KIZ: variants seen among roughly 807,000 people sequenced by gnomAD.
KIZ encodes centrosomal protein kizuna.
A neutral mutation model predicts 79.6 loss-of-function variants in KIZ; 68 were observed. The observed-to-expected ratio is 0.85, with a 90% CI of 0.70 to 1.05. The LOEUF is 1.05. KIZ is among the 50% of genes least tolerant of loss of function. The pLI, the probability that KIZ is intolerant of heterozygous loss-of-function variation, is 0.00. For missense variants in KIZ, 797 were observed against 800.4 expected (o/e 1.00, Z 0.05); for synonymous variants, 280 against 281.8 (o/e 0.99, Z 0.06).
At chr20:21,226,469 T>G (rs373625498) in intron 9 of KIZ, among the ~76,000 whole-genome samples, 26 of 152,348 alleles carry the variant, frequency 1.7e-4, no homozygotes, top group African/African-American at 6.0e-4. Context: ...GTTTTTCCTG[T>G]GTAGATCATC....
At chr20:21,154,862 A>C (rs1274692474) in intron 4 of KIZ, among the ~76,000 whole-genome samples, 3 of 152,224 alleles carry the variant, frequency 2.0e-5, no homozygotes, top group Non-Finnish European at 2.9e-5. Context: ...TTTAAAAAAG[A>C]AGAGACACCT....
chr20:21,212,985 G>A (rs1320078794), intron 7 of KIZ, among the ~76,000 whole-genome samples: 1 of 152,196 alleles, frequency 6.6e-6, no homozygotes, highest in Non-Finnish European at 1.5e-5. Flanking sequence ...TAGAGGAAAA[G>A]CCCCTGGTCA....
intron 3 of KIZ, among the ~76,000 whole-genome samples, chr20:21,141,821 ACACT>A (rs58621089): frequency 0.017 from 1,908 of 111,050 alleles, 31 homozygotes; most frequent in African/African-American, 0.058. Context: ...ACACACACAC[ACACT>A]CTCTCTCTCT....
chr20:21,183,857 C>T (rs1169923433), intron 6 of KIZ, among the ~76,000 whole-genome samples: 1 of 152,204 alleles, frequency 6.6e-6, no homozygotes, highest in Non-Finnish European at 1.5e-5. Context: ...CTGTTTCCCT[C>T]TGATCTACTC....
At chr20:21,205,387 C>G in intron 6 of KIZ, 104 bp from the exon 7 acceptor site, 2 of 539,972 alleles carry the variant, frequency 3.7e-6, no homozygotes, top group South Asian at 2.9e-5. Context: ...GAGTTCCAGA[C>G]TTCTGGATAA....
chr20:21,170,163 A>T (rs577529477), intron 6 of KIZ, among the ~76,000 whole-genome samples: 28 of 152,194 alleles, frequency 1.8e-4, no homozygotes, highest in African/African-American at 6.5e-4. Context: ...ATTTTTGTAG[A>T]TACATAGTAG....
intron 4 of KIZ, among the ~76,000 whole-genome samples, chr20:21,147,992 T>TGTGTGTGTGC: frequency 6.6e-6 from 1 of 151,298 alleles, no homozygotes; most frequent in Non-Finnish European, 1.5e-5. Flanking sequence ...TGTGTGTGTG[T>TGTGTGTGTGC]GTGGCAGCAG....
intron 12 of KIZ, 194 bp downstream of exon 12, chr20:21,244,482 G>A: frequency 1.7e-6 from 1 of 594,726 alleles, no homozygotes; most frequent in Non-Finnish European, 3.0e-6. Flanking sequence ...GACCACACGG[G>A]TGCCATGGAC....
At chr20:21,143,002 T>C (rs943463297) in intron 3 of KIZ, among the ~76,000 whole-genome samples, 2 of 152,140 alleles carry the variant, frequency 1.3e-5, no homozygotes, top group Non-Finnish European at 2.9e-5. Flanking sequence ...AATACCACTT[T>C]TTATCAACCA....
intron 10 of KIZ, among the ~76,000 whole-genome samples, chr20:21,229,377 C>CT (rs924512725): frequency 1.4e-4 from 21 of 152,242 alleles, no homozygotes; most frequent in Non-Finnish European, 2.9e-4. Context: ...ATGATAGTGA[C>CT]TTGTCACCAG....
chr20:21,185,758 C>G (rs2034852827), intron 6 of KIZ, among the ~76,000 whole-genome samples: 3 of 150,622 alleles, frequency 2.0e-5, no homozygotes, highest in South Asian at 4.2e-4. Flanking sequence ...GTTGCCCAGG[C>G]TGGAGTGCAG....
chr20:21,245,794 C>G (rs1014430782), intron 12 of KIZ: 1 of 152,306 alleles, frequency 6.6e-6, no homozygotes, highest in African/African-American at 2.4e-5. Context: ...GAGCAACCCT[C>G]AACCAACAGA....
At chr20:21,215,476 C>G (rs1287590634) in intron 8 of KIZ, 107 bp from the exon 9 acceptor site, 1 of 542,404 alleles carries the variant, frequency 1.8e-6, no homozygotes, top group Non-Finnish European at 3.3e-6. Flanking sequence ...ACAAGAAATA[C>G]ATTAACCAAA....
intron 4 of KIZ, among the ~76,000 whole-genome samples, chr20:21,145,966 AAAAGT>A (rs1600380728): frequency 6.6e-6 from 1 of 152,218 alleles, no homozygotes; most frequent in Non-Finnish European, 1.5e-5. Context: ...GTTTTAAATG[AAAAGT>A]AAACAAAATA....
rs1666688142 is a variant in KIZ, at chr20:21,135,285, A to G, written c.153-1105A>G. ...GTACAATTGTACCCACTCCGGGTAG[A>G]CACCACCAGCAGCAGCTTTACTGAG... is the stretch of plus-strand genomic sequence containing the variant. On this transcript the variant is annotated intron_variant, in intron 2 of 12. Coordinates refer to ENST00000619189, the MANE Select transcript of KIZ (RefSeq NM_018474.6). 2.0e-5 allele frequency among the ~76,000 whole-genome samples: 3 copies of G among 152,202 alleles called. No individual in the cohort carries two copies. In the South Asian group the frequency reaches 6.2e-4, roughly 32 times the overall value.
intron 11 of KIZ, among the ~76,000 whole-genome samples, chr20:21,243,808 C>A (rs2037298883): frequency 6.6e-6 from 1 of 152,210 alleles, no homozygotes; most frequent in African/African-American, 2.4e-5. Flanking sequence ...AGTATTTTAA[C>A]TTCCTTACCA....
intron 6 of KIZ, among the ~76,000 whole-genome samples, chr20:21,179,385 C>A (rs924864434): frequency 6.6e-6 from 1 of 151,404 alleles, no homozygotes; most frequent in Non-Finnish European, 1.5e-5. Flanking sequence ...TATATAGTTT[C>A]TTGTGATCTT....
intron 9 of KIZ, among the ~76,000 whole-genome samples, 194 bp from the exon 10 acceptor site, chr20:21,228,817 C>A (rs539347955): frequency 1.3e-5 from 2 of 152,258 alleles, no homozygotes; most frequent in South Asian, 4.1e-4. Context: ...ACTCATACAG[C>A]TTGTCTTTGA....
chr20:21,129,696 T>C (rs2031712509), intron 1 of KIZ, among the ~76,000 whole-genome samples: 1 of 151,966 alleles, frequency 6.6e-6, no homozygotes, highest in Non-Finnish European at 1.5e-5. Context: ...TGTGCCATTG[T>C]ACTCCAGCTT....
Sources: allele counts gnomAD v4.1 joint callset (sites outside exome capture counted in the v4.1 genomes callset), GRCh38; gene constraint gnomAD v4.1.1; transcripts MANE v1.5; gene names NCBI Gene and HGNC (gene_info 2026-07-23, HGNC 2026-07-21).